Variants in PCNX2 observed in about 807,000 individuals in gnomAD.
PCNX2 encodes pecanex 2, also known as pecanex-like protein 2.
A neutral mutation model predicts 223.8 loss-of-function variants in PCNX2; 168 were observed. That is an observed-to-expected ratio of 0.75 (90% confidence interval 0.66 to 0.85). The LOEUF (loss-of-function observed/expected upper bound fraction) is 0.85. PCNX2 is among the 40% of genes least tolerant of loss of function. The pLI is 0.00. For synonymous variants in PCNX2, 1,006 were observed against 1,052.6 expected, an observed-to-expected ratio of 0.96 and a Z score of 0.86; for missense variants, 2,507 against 2,675.5, an observed-to-expected ratio of 0.94 and a Z score of 1.39.
In PCNX2 at chr1:233,258,708, T is replaced by G; in HGVS notation, c.1154A>C (p.Asn385Thr). ...GGAGCTTTCCAAATCTGTCATGGAG[T>G]TTGGGGTACTGCTCATCGTGATAAC... ...KIVITMSSTP[N>T]SMTDLESSLH... is the part of the protein sequence containing the mutation. The change falls in exon 5 of 34, where the codon AAC (asparagine) becomes ACC (threonine). Residue 385 changes from asparagine (N) to threonine (T), a missense_variant. Physicochemically the swap from Asn to Thr is moderately conservative, Grantham distance 65. This residue lies in a region of PCNX2 where 1,031 missense variants were observed against 1,021.7 expected (regional missense o/e 1.01). Coordinates refer to ENST00000258229, the MANE Select transcript of PCNX2 (RefSeq NM_014801.4). 2 of 1,613,810 alleles carry G rather than the reference T, an allele frequency of 1.2e-6. No homozygotes were observed. The highest frequency in any genetic ancestry group is 1.7e-6 in the Non-Finnish European group (2 of 1,179,848).
intron 8 of PCNX2, among the ~76,000 whole-genome samples, chr1:233,249,703 G>C (rs982750126): frequency 1.1e-4 from 16 of 152,232 alleles, no homozygotes; most frequent in Non-Finnish European, 1.0e-4. Flanking sequence ...TTAATGCAAA[G>C]CTTGGGAAGG....
intron 8 of PCNX2, among the ~76,000 whole-genome samples, chr1:233,248,861 A>G (rs563942040): frequency 2.6e-5 from 4 of 152,064 alleles, no homozygotes; most frequent in African/African-American, 9.6e-5. Flanking sequence ...CCCCAACACA[A>G]CCTCACCAAA....
At chr1:233,082,597 C>G (rs1673411380) in intron 23 of PCNX2, among the ~76,000 whole-genome samples, 1 of 152,164 alleles carries the variant, frequency 6.6e-6, no homozygotes, top group Non-Finnish European at 1.5e-5. Flanking sequence ...GGAAGGGCAG[C>G]TTTTAATTGC....
chr1:233,290,810 G>A (rs567587554), intron 1 of PCNX2: 26 of 985,416 alleles, frequency 2.6e-5, no homozygotes, highest in South Asian at 4.7e-5. Context: ...AAAGTTAAAG[G>A]AAAGGAAACA....
Position 233,095,824 on chromosome 1 carries a change from A to G in PCNX2, c.3877T>C (p.Tyr1293His). Residue 1293 changes from tyrosine (Y) to histidine (H), a missense_variant, in exon 22 of 34, where the codon TAT becomes CAT. Tyr to His is a moderately conservative substitution (Grantham distance 83, BLOSUM62 2). Transcript: ENST00000258229. ...LLHKLQFVLT[Y>H]VAPWQMAWGS... ...CAAGCCATCTGCCAAGGAGCCACAT[A>G]TGTCAGGACGAACTGTAACTTGTGA... 6.2e-7 allele frequency: 1 copy of G among 1,612,736 alleles called. No homozygotes were observed. Among genetic ancestry groups the G allele is most frequent in the Non-Finnish European group, 8.5e-7 (1 of 1,179,372 alleles).
intron 28 of PCNX2, among the ~76,000 whole-genome samples, chr1:233,007,699 G>A (rs184921758): frequency 2.6e-5 from 4 of 151,862 alleles, no homozygotes; most frequent in South Asian, 2.1e-4. Flanking sequence ...CACCATGCCC[G>A]GCTAATTTTT....
At chr1:233,170,749 A>AT (rs1679101612) in intron 17 of PCNX2, among the ~76,000 whole-genome samples, 1 of 152,180 alleles carries the variant, frequency 6.6e-6, no homozygotes. Flanking sequence ...AGTATGACAT[A>AT]TTAGTCCAAT....
At chr1:233,019,904 T>C (rs900510655) in intron 26 of PCNX2, among the ~76,000 whole-genome samples, 2 of 152,162 alleles carry the variant, frequency 1.3e-5, no homozygotes, top group African/African-American at 2.4e-5. Context: ...ACGATGCCCA[T>C]GTCCACGAGC....
intron 17 of PCNX2, among the ~76,000 whole-genome samples, chr1:233,173,267 A>G (rs895904801): frequency 3.3e-5 from 5 of 152,002 alleles, no homozygotes; most frequent in African/African-American, 1.2e-4. Context: ...CCCGGGTTCA[A>G]GTGATTCTCC....
At chr1:233,174,569 G>A (rs1361263013) in intron 17 of PCNX2, among the ~76,000 whole-genome samples, 2 of 151,838 alleles carry the variant, frequency 1.3e-5, no homozygotes, top group Non-Finnish European at 2.9e-5. Context: ...AGCAGCATGG[G>A]ACCAGAAAAA....
At chr1:233,261,500 T>C (rs1317806030) in intron 3 of PCNX2, among the ~76,000 whole-genome samples, 179 bp from the exon 4 acceptor site, 1 of 152,126 alleles carries the variant, frequency 6.6e-6, no homozygotes, top group Non-Finnish European at 1.5e-5. Flanking sequence ...TACAAACATA[T>C]GTAAATGTGG....
Position 233,290,963 on chromosome 1 carries a change from C to T in PCNX2, c.153+4363G>A, listed in dbSNP as rs1030684660. The T allele has an allele frequency of 8.1e-6, 8 of 985,446 alleles. No individual in the cohort carries two copies. The East Asian group carries it at 5.7e-4, about 70-fold the overall frequency. 61.0% of individuals were successfully genotyped at this position (985,446 alleles called of 1,614,324 possible). On this transcript the variant is annotated intron_variant, in intron 1 of 33. Coordinates refer to ENST00000258229, the MANE Select transcript of PCNX2 (RefSeq NM_014801.4). ...GTCTTGAAGGATGTGAAAGTTCCAACCCATTCTTCCCACCACTCAACTCTT... is the reference window on the plus strand; with the variant it reads ...GTCTTGAAGGATGTGAAAGTTCCAATCCATTCTTCCCACCACTCAACTCTT...
chr1:233,075,128 A>C (rs923730670), intron 23 of PCNX2, among the ~76,000 whole-genome samples: 5 of 152,210 alleles, frequency 3.3e-5, no homozygotes, highest in Non-Finnish European at 5.9e-5. Context: ...AAAACCTATA[A>C]ACAAGTGTCC....
chr1:233,007,345 C>G (rs1485766513), intron 28 of PCNX2, among the ~76,000 whole-genome samples: 1 of 151,954 alleles, frequency 6.6e-6, no homozygotes, highest in African/African-American at 2.4e-5. Context: ...GTAATTATTA[C>G]AACCCTTTCA....
intron 1 of PCNX2, among the ~76,000 whole-genome samples, chr1:233,268,590 T>C (rs1660471018): frequency 1.3e-5 from 2 of 152,214 alleles, no homozygotes; most frequent in African/African-American, 4.8e-5. Context: ...GCTGCAGCGT[T>C]GATGAGCTCA....
chr1:233,310,480 C>T, the PCNX2 span, among the ~76,000 whole-genome samples: 922 of 152,242 alleles, frequency 6.1e-3, 19 homozygotes, highest in East Asian at 0.063. Flanking sequence ...AAGAATAATG[C>T]GGACCACATT....
chr1:233,182,710 G>A (rs928238260), intron 15 of PCNX2, among the ~76,000 whole-genome samples: 1 of 151,694 alleles, frequency 6.6e-6, no homozygotes, highest in Non-Finnish European at 1.5e-5. Flanking sequence ...CATCTGCACA[G>A]AGGGCTCTTC....
At chr1:233,188,671 C>G (rs914922756) in intron 15 of PCNX2, among the ~76,000 whole-genome samples, 1 of 151,956 alleles carries the variant, frequency 6.6e-6, no homozygotes, top group Non-Finnish European at 1.5e-5. Context: ...TACAGGTGCA[C>G]GCCACCATGC....
At chr1:233,156,189 T>C (rs1006888737) in intron 19 of PCNX2, among the ~76,000 whole-genome samples, 2 of 152,192 alleles carry the variant, frequency 1.3e-5, no homozygotes, top group Non-Finnish European at 2.9e-5. Context: ...TTAAATTGAC[T>C]AAAAAAGATA....
Sources: gnomAD v4.1 joint callset for allele counts (sites outside exome capture counted in the v4.1 genomes callset) on GRCh38, gnomAD v4.1.1 for gene constraint, gnomAD v4.1.1 regional missense constraint, MANE v1.5 for transcripts, NCBI Gene and HGNC (gene_info 2026-07-23, HGNC 2026-07-21) for gene names.